The following HIPK1 variants were observed in gnomAD, a reference collection of about 807,000 sequenced individuals.
HIPK1 encodes homeodomain-interacting protein kinase 1.
A neutral mutation model predicts 117.1 loss-of-function variants in HIPK1; 28 were observed. That is an observed-to-expected ratio of 0.24 (90% CI 0.18 to 0.33). The LOEUF is 0.33. HIPK1 is among the 10% of genes least tolerant of loss of function. The probability of loss-of-function intolerance (pLI) is 1.00; values close to 1 mark genes in which losing one functional copy is unlikely to be tolerated. For missense variants in HIPK1, 1,122 were observed against 1,475.1 expected, an observed-to-expected ratio of 0.76 and a Z score of 3.92; for synonymous variants, 605 against 562.5, an observed-to-expected ratio of 1.08 and a Z score of -1.07.
Position 113,973,139 on chromosome 1 carries a change from G to A in HIPK1, c.3260G>A (p.Gly1087Asp), listed in dbSNP as rs1025144619. 1.2e-6 allele frequency: 2 copies of A among 1,600,098 alleles called. No individual in the cohort carries two copies. Among genetic ancestry groups the A allele is most frequent in the Non-Finnish European group, 1.7e-6 (2 of 1,173,000 alleles). Residue 1087 changes from glycine to aspartate, a missense_variant, in exon 16 of 16, where the codon GGC (glycine) becomes GAC (aspartate). Physicochemically the swap from Gly to Asp is moderately conservative, Grantham distance 94. Around this residue, in one of 6 missense-constraint regions of HIPK1, gnomAD observed 731 missense variants for 860.4 expected, o/e 0.85. Transcript: ENST00000426820. Reference sequence around the variant, plus strand: ...CAAGCCCCCTACACCTTCCAGCATGGCAGCCCGCTACACTCGACAGGGCAC... The same window carrying A: ...CAAGCCCCCTACACCTTCCAGCATGACAGCCCGCTACACTCGACAGGGCAC... Reference protein sequence around the residue: ...LSQAPYTFQHGSPLHSTGHPH... With the variant: ...LSQAPYTFQHDSPLHSTGHPH...
rs371115064 is a variant in HIPK1, at chr1:113,958,306, T to A, written c.1981+15T>A. 3.8e-5 allele frequency: 60 copies of A among 1,562,210 alleles called. No homozygotes were observed. The highest frequency in any genetic ancestry group is 1.7e-4 in the Middle Eastern group (1 of 6,006). On this transcript the variant is annotated intron_variant, in intron 8 of 15. Coordinates refer to ENST00000426820, the MANE Select transcript of HIPK1 (RefSeq NM_198268.3). ...TGCGTTTCAAAGTAAGTGGGGAAAC[T>A]CCTGTATCATATGGTATTGTATCAG...
At chr1:113,965,622 A>G (rs1672394417) in intron 10 of HIPK1, among the ~76,000 whole-genome samples, 1 of 152,176 alleles carries the variant, frequency 6.6e-6, no homozygotes, top group South Asian at 2.1e-4. Flanking sequence ...GGTCATCCAC[A>G]TCTGGCTCCA....
rs996582785 is a variant in HIPK1 at position 113,975,256 on chromosome 1, GC to G, written c.*1745del. 22 of 152,804 alleles carry G rather than the reference GC, an allele frequency of 1.4e-4. No individual in the cohort carries two copies. The highest frequency in any genetic ancestry group is 7.9e-4 in the Admixed American group (12 of 15,282). The allele number at this position is 152,804 out of a possible 1,614,324, so 9.5% of individuals were successfully genotyped here. A position where few individuals can be genotyped will look rare whatever the true frequency, so the allele number is the denominator to read the frequency against. ...GGGATTTATCAGAACAGGATTAGTAGCTGTATTGTGTAATGCATTGTTCTCA... is the reference window on the plus strand; with the variant it reads ...GGGATTTATCAGAACAGGATTAGTAGTGTATTGTGTAATGCATTGTTCTCA... On this transcript the variant is annotated 3_prime_UTR_variant, in exon 16 of 16. Coordinates refer to ENST00000426820, the MANE Select transcript of HIPK1 (RefSeq NM_198268.3).
chr1:113,933,449 A>G (rs1263891867), intron 1 of HIPK1, among the ~76,000 whole-genome samples: 1 of 152,200 alleles, frequency 6.6e-6, no homozygotes, highest in Non-Finnish European at 1.5e-5. Context: ...TGGTAATCCA[A>G]ATTAGGAATT....
chr1:113,949,981 G>C (rs1362244814), intron 2 of HIPK1, among the ~76,000 whole-genome samples: 1 of 152,172 alleles, frequency 6.6e-6, no homozygotes. Flanking sequence ...ACCCATAGCT[G>C]TTAAAAAGTG....
At position 113,940,518 on chromosome 1, in the gene HIPK1, C is replaced by T. The variant is rs768436066; in HGVS notation, c.135C>T (p.His45=). The part of the protein sequence containing the change: ...GQSSNDKYYT[H]SKTLPATQGQ... Reference sequence around the variant, plus strand: ...GTAGCAACGACAAATATTATACCCACAGCAAAACCCTCCCAGCCACACAAG... The same window carrying T: ...GTAGCAACGACAAATATTATACCCATAGCAAAACCCTCCCAGCCACACAAG... Residue 45 remains histidine, a synonymous_variant, in exon 2 of 16, where the codon CAC becomes CAT. Coordinates refer to ENST00000426820, the MANE Select transcript of HIPK1 (RefSeq NM_198268.3). 22 of 1,614,176 alleles carry T rather than the reference C, an allele frequency of 1.4e-5. No homozygotes were observed. Among genetic ancestry groups the T allele is most frequent in the Admixed American group, 1.0e-4 (6 of 60,012 alleles).
intron 1 of HIPK1, among the ~76,000 whole-genome samples, chr1:113,932,695 C>T (rs957846230): frequency 6.6e-6 from 1 of 152,116 alleles, no homozygotes; most frequent in Non-Finnish European, 1.5e-5. Flanking sequence ...GCCTTTTTCT[C>T]ATCTCGGAAT....
rs779964798 is a variant in HIPK1, at chr1:113,958,208, C to A, written c.1898C>A (p.Ser633Tyr). ...CCTGGAGTTGCCCAGCAGGGTGTTT[C>A]CTTGCAGCCTGGAACCACCCAGATT... ...PVPGVAQQGV[S>Y]LQPGTTQICT... The change falls in exon 8 of 16, where the codon TCC becomes TAC. Residue 633 changes from serine (S) to tyrosine (Y), a missense_variant. Physicochemically the swap from Ser to Tyr is moderately radical, Grantham distance 144 (BLOSUM62 -2). Coordinates refer to ENST00000426820, the MANE Select transcript of HIPK1 (RefSeq NM_198268.3). The A allele has an allele frequency of 6.2e-7, 1 of 1,614,186 alleles. No individual in the cohort carries two copies. Among genetic ancestry groups the A allele is most frequent in the Admixed American group, 1.7e-5 (1 of 60,024 alleles).
intron 2 of HIPK1, among the ~76,000 whole-genome samples, chr1:113,947,651 TGTTG>T (rs1671070277): frequency 6.6e-6 from 1 of 152,170 alleles, no homozygotes; most frequent in Non-Finnish European, 1.5e-5. Context: ...ACCTCAACAA[TGTTG>T]GTTGGAAGAA....
intron 2 of HIPK1, among the ~76,000 whole-genome samples, chr1:113,944,899 G>A (rs146996842): frequency 4.3e-4 from 66 of 152,214 alleles, no homozygotes; most frequent in African/African-American, 1.4e-3. Context: ...CCAGGCTGGG[G>A]TGCAGTTGTG....
intron 1 of HIPK1, among the ~76,000 whole-genome samples, chr1:113,934,069 G>A (rs915461256): frequency 1.3e-5 from 2 of 152,178 alleles, no homozygotes; most frequent in Non-Finnish European, 2.9e-5. Context: ...ATCAGAGTAT[G>A]TGATAGACAA....
intron 1 of HIPK1, among the ~76,000 whole-genome samples, chr1:113,940,154 T>G (rs779577050): frequency 1.3e-5 from 2 of 152,084 alleles, no homozygotes; most frequent in Non-Finnish European, 1.5e-5. Context: ...TTGAATGCAT[T>G]TTATGTATGA....
At chr1:113,972,083 C>T in intron 15 of HIPK1, 129 bp downstream of exon 15, 5 of 1,609,004 alleles carry the variant, frequency 3.1e-6, no homozygotes, top group Non-Finnish European at 4.2e-6. Context: ...ATTTTGTGTT[C>T]TATGGCTTAC....
chr1:113,956,235 C>A (rs774472957), intron 5 of HIPK1, among the ~76,000 whole-genome samples: 1 of 151,842 alleles, frequency 6.6e-6, no homozygotes, highest in African/African-American at 2.4e-5. Flanking sequence ...CCACCATGCC[C>A]GGCTAATTTT....
At chr1:113,958,833 G>T (rs1266594965) in intron 8 of HIPK1, among the ~76,000 whole-genome samples, 9 of 152,154 alleles carry the variant, frequency 5.9e-5, no homozygotes, top group African/African-American at 1.9e-4. Context: ...CTTGTGTGGG[G>T]CAGGCATTAA....
rs1354540766 is a variant in HIPK1, at chr1:113,941,035, A to G, written c.652A>G (p.Ile218Val). ...GAGGAGCACCAAGGAAATTGTGGCT[A>G]TTAAAATCTTGAAGAACCACCCCTC... ...WKRSTKEIVA[I>V]KILKNHPSYA... The change falls in exon 2 of 16, where the codon ATT (isoleucine) becomes GTT (valine). Residue 218 changes from isoleucine (I) to valine (V), a missense_variant. Ile to Val is a conservative substitution (Grantham distance 29). This residue lies in a region of HIPK1 where 62 missense variants were observed against 121.5 expected (regional missense o/e 0.51). Transcript: ENST00000426820. This position sits in a 1 kb window ranked among gnomAD's most constrained non-coding sequence, Gnocchi z 4.9. 6.2e-7 allele frequency: 1 copy of G among 1,614,208 alleles called. No individual in the cohort carries two copies. Among genetic ancestry groups the G allele is most frequent in the Admixed American group, 1.7e-5 (1 of 60,020 alleles).
chr1:113,970,627 A>G (rs1359325593), intron 14 of HIPK1, among the ~76,000 whole-genome samples: 2 of 152,218 alleles, frequency 1.3e-5, no homozygotes, highest in Non-Finnish European at 2.9e-5. Context: ...ACCCAGTGTC[A>G]TAGCAGTGAT....
At chr1:113,968,029 CATATA>C in intron 12 of HIPK1, 81 bp downstream of exon 12, 1 of 1,237,646 alleles carries the variant, frequency 8.1e-7, no homozygotes, top group Non-Finnish European at 1.1e-6. Context: ...ATTGTATAGA[CATATA>C]ATATAGATAT....
intron 1 of HIPK1, among the ~76,000 whole-genome samples, chr1:113,938,371 C>T (rs763475630): frequency 1.3e-5 from 2 of 151,616 alleles, no homozygotes; most frequent in African/African-American, 2.4e-5. Flanking sequence ...TCCCAAAGTG[C>T]GGGAATTACA....
Sources: gnomAD v4.1 joint callset for allele counts (sites outside exome capture counted in the v4.1 genomes callset) on GRCh38, gnomAD v4.1.1 for gene constraint, gnomAD v4.1.1 regional missense constraint, Gnocchi (gnomAD v3.1) non-coding constraint, MANE v1.5 for transcripts, NCBI Gene and HGNC (gene_info 2026-07-23, HGNC 2026-07-21) for gene names.